The following JAKMIP2 variants were observed in gnomAD, a reference collection of about 807,000 sequenced individuals.
The protein encoded by JAKMIP2 is janus kinase and microtubule-interacting protein 2.
In JAKMIP2, 25 loss-of-function variants were observed where a neutral mutation model predicts 115.0. The ratio of observed to expected loss-of-function variants is 0.22; its 90% CI spans 0.16 to 0.30. The LOEUF is 0.30. Among genes scored for constraint, JAKMIP2 ranks in the 10% least tolerant of loss-of-function variants. The pLI, the probability that JAKMIP2 is intolerant of heterozygous loss-of-function variation, is 1.00. For synonymous variants in JAKMIP2, 334 were observed against 343.6 expected, an observed-to-expected ratio of 0.97 and a Z score of 0.31; for missense variants, 642 against 957.6, an observed-to-expected ratio of 0.67 and a Z score of 4.35.
chr5:147,702,335 A>ACTACG (rs1248494740), intron 1 of JAKMIP2, among the ~76,000 whole-genome samples: 4 of 50,144 alleles, frequency 8.0e-5, no homozygotes, highest in African/African-American at 4.0e-4. Context: ...CGGATAAAAG[A>ACTACG]CATTGAGTAC....
At chr5:147,606,255 C>T (rs1756008466) in intron 20 of JAKMIP2, among the ~76,000 whole-genome samples, 1 of 152,080 alleles carries the variant, frequency 6.6e-6, no homozygotes, top group South Asian at 2.1e-4. Flanking sequence ...GAAGTCTTTG[C>T]CCATGCTTAT....
rs1481068260 is a variant in JAKMIP2, at chr5:147,677,838, A to T, written c.-148-5884T>A. ...CTTTTTTTGTGGTGAGAACACTTAAAATCTACTTTCCTAGCAACTTTTAAG... is the reference window on the plus strand; with the variant it reads ...CTTTTTTTGTGGTGAGAACACTTAATATCTACTTTCCTAGCAACTTTTAAG... On this transcript the variant is annotated intron_variant, in intron 1 of 21. Coordinates refer to ENST00000616793, the MANE Select transcript of JAKMIP2 (RefSeq NM_001270941.2). Among the ~76,000 whole-genome samples, 6 of 152,184 alleles carry T rather than the reference A, an allele frequency of 3.9e-5. No individual in the cohort carries two copies. In the East Asian group the frequency reaches 1.2e-3, roughly 29 times the overall value.
chr5:147,628,984 C>A (rs1757235476), intron 15 of JAKMIP2, among the ~76,000 whole-genome samples, 168 bp from the exon 16 acceptor site: 1 of 152,012 alleles, frequency 6.6e-6, no homozygotes, highest in Non-Finnish European at 1.5e-5. Flanking sequence ...AATCAAAACC[C>A]GGAAGAAGTA....
chr5:147,772,102 G>A (rs1018950951), intron 1 of JAKMIP2, among the ~76,000 whole-genome samples: 6 of 152,012 alleles, frequency 3.9e-5, no homozygotes, highest in Admixed American at 6.6e-5. Context: ...TTATTCTTGT[G>A]AGAATGTGAA....
At chr5:147,644,225 G>T in intron 6 of JAKMIP2, 27 bp from the exon 7 acceptor site, 1 of 1,501,368 alleles carries the variant, frequency 6.7e-7, no homozygotes, top group African/African-American at 1.4e-5. Flanking sequence ...GAAAGTACAG[G>T]TGGAGACTTT....
chr5:147,636,115 C>T, intron 12 of JAKMIP2, 107 bp downstream of exon 12: 3 of 826,682 alleles, frequency 3.6e-6, no homozygotes, highest in Non-Finnish European at 5.9e-6. Flanking sequence ...GCCGGAAAAG[C>T]CTCCCCTTCC....
At chr5:147,782,130 C>T (rs1453882153) in intron 1 of JAKMIP2, among the ~76,000 whole-genome samples, 1 of 152,164 alleles carries the variant, frequency 6.6e-6, no homozygotes, top group African/African-American at 2.4e-5. Context: ...TTCAATAACA[C>T]CCTCTTCTTG....
chr5:147,766,908 T>A (rs1328425861), intron 1 of JAKMIP2, among the ~76,000 whole-genome samples: 1 of 152,100 alleles, frequency 6.6e-6, no homozygotes, highest in Non-Finnish European at 1.5e-5. Context: ...AGATTCATAA[T>A]GCTGAGTGGA....
chr5:147,730,160 T>A (rs1267812113), intron 1 of JAKMIP2, among the ~76,000 whole-genome samples: 2 of 152,160 alleles, frequency 1.3e-5, no homozygotes, highest in South Asian at 4.2e-4. Context: ...CACTTACATT[T>A]GTTTAACCGT....
chr5:147,780,879 G>C (rs1247372733), intron 1 of JAKMIP2, among the ~76,000 whole-genome samples: 1 of 152,118 alleles, frequency 6.6e-6, no homozygotes, highest in African/African-American at 2.4e-5. Context: ...TTAGAGAAGA[G>C]AATAATGGAT....
intron 1 of JAKMIP2, among the ~76,000 whole-genome samples, chr5:147,718,665 T>A (rs942309443): frequency 5.9e-5 from 9 of 152,188 alleles, no homozygotes; most frequent in South Asian, 2.1e-4. Flanking sequence ...CTGATGGTAG[T>A]TTGTATTTCT....
intron 5 of JAKMIP2, among the ~76,000 whole-genome samples, chr5:147,647,100 A>G (rs1758170963): frequency 6.6e-6 from 1 of 152,074 alleles, no homozygotes; most frequent in Non-Finnish European, 1.5e-5. Flanking sequence ...TGCTGAGGTC[A>G]TAAAGCAAAT....
chr5:147,671,535 C>A, intron 2 of JAKMIP2, 143 bp downstream of exon 2: 1 of 526,394 alleles, frequency 1.9e-6, no homozygotes, highest in Non-Finnish European at 3.0e-6. Flanking sequence ...GCAATAAGCT[C>A]TCCATGTTTA....
At chr5:147,726,289 C>T (rs766610460) in intron 1 of JAKMIP2, among the ~76,000 whole-genome samples, 13 of 152,232 alleles carry the variant, frequency 8.5e-5, no homozygotes, top group African/African-American at 1.7e-4. Context: ...TTTTGTCACA[C>T]GTATTTTGCT....
rs1755041132 is a variant in JAKMIP2, at chr5:147,590,104, T to C, written c.*1603A>G. The C allele has an allele frequency of 6.6e-6, 1 of 152,202 alleles. No individual in the cohort carries two copies. Among genetic ancestry groups the C allele is most frequent in the African/African-American group, 2.4e-5 (1 of 41,442 alleles). The allele number at this position is 152,202 out of a possible 1,614,324, so 9.4% of individuals were successfully genotyped here. A position where few individuals can be genotyped will look rare whatever the true frequency, so the allele number is the denominator to read the frequency against. On this transcript the variant is annotated 3_prime_UTR_variant, in exon 22 of 22. Coordinates refer to ENST00000616793, the MANE Select transcript of JAKMIP2 (RefSeq NM_001270941.2). ...AGTGGGACCCCAGCATTCTAGTTTT[T>C]ATTGTACATTCTTCAGTTATTGTTC...
Position 147,628,766 on chromosome 5 carries a change from C to A in JAKMIP2, c.1980G>T (p.Leu660=). ...QVAIIQASTV[L]SLAEKWIQQI... ...GGCTCATTACCTTCTCTGCCAGGGA[C>A]AGCACAGTGCTGGCCTGAATTATGG... Residue 660 remains leucine (L), a synonymous_variant, in exon 16 of 22, where the codon CTG becomes CTT. Transcript: ENST00000616793. The A allele has an allele frequency of 6.2e-7, 1 of 1,613,114 alleles. No individual in the cohort carries two copies. Among genetic ancestry groups the A allele is most frequent in the Non-Finnish European group, 8.5e-7 (1 of 1,179,388 alleles).
intron 3 of JAKMIP2, among the ~76,000 whole-genome samples, 180 bp from the exon 4 acceptor site, chr5:147,650,727 G>T (rs1409319564): frequency 6.6e-6 from 1 of 152,070 alleles, no homozygotes; most frequent in East Asian, 1.9e-4. Flanking sequence ...AAGTATCCTG[G>T]GTTAATTAGG....
At position 147,590,402 on chromosome 5, in the gene JAKMIP2, T is replaced by C. The variant is rs950887230; in HGVS notation, c.*1305A>G. The C allele has an allele frequency of 6.6e-6, 1 of 152,192 alleles. No homozygotes were observed. Among genetic ancestry groups the C allele is most frequent in the African/African-American group, 2.4e-5 (1 of 41,460 alleles). 9.4% of individuals were successfully genotyped at this position (152,192 alleles called of 1,614,324 possible). On this transcript the variant is annotated 3_prime_UTR_variant, in exon 22 of 22. Transcript: ENST00000616793. ...TCAGTAATACACAACTTAGGAAAAG[T>C]ACCAGTCCTCTAATTGTCTCTGGTA... is the stretch of plus-strand genomic sequence containing the variant.
chr5:147,663,223 T>A (rs1244639564), intron 2 of JAKMIP2, among the ~76,000 whole-genome samples: 2 of 152,204 alleles, frequency 1.3e-5, no homozygotes, highest in African/African-American at 2.4e-5. Context: ...GATTGAAAGA[T>A]GAAAAGTATT....
Sources: gnomAD v4.1 joint callset for allele counts (sites outside exome capture counted in the v4.1 genomes callset) on GRCh38, gnomAD v4.1.1 for gene constraint, MANE v1.5 for transcripts, NCBI Gene and HGNC (gene_info 2026-07-23, HGNC 2026-07-21) for gene names.